The following MCF2L2 variants were observed in gnomAD, a reference collection of about 807,000 sequenced individuals.
MCF2L2 encodes MCF.2 cell line derived transforming sequence-like 2.
MCF2L2 carries 102 observed loss-of-function variants against 150.2 expected under a neutral mutation model. The observed-to-expected ratio is 0.68, with a 90% confidence interval of 0.58 to 0.80. The LOEUF (loss-of-function observed/expected upper bound fraction) is 0.80. Ranked by LOEUF, MCF2L2 falls within the 30% of genes least tolerant of loss-of-function variation. The probability of loss-of-function intolerance (pLI) is 0.00; values close to 1 mark genes in which losing one functional copy is unlikely to be tolerated. For missense variants in MCF2L2, 1,256 were observed against 1,372.8 expected, an observed-to-expected ratio of 0.91 and a Z score of 1.34; for synonymous variants, 465 against 491.3, an observed-to-expected ratio of 0.95 and a Z score of 0.71.
At chr3:183,216,171 G>A in intron 21 of MCF2L2, 77 bp from the exon 22 acceptor site, 1 of 1,520,256 alleles carries the variant, frequency 6.6e-7, no homozygotes, top group Non-Finnish European at 9.0e-7. Context: ...GGACAGAGAT[G>A]AGGAGCCAGG....
At position 183,331,186 on chromosome 3, in the gene MCF2L2, C is replaced by T. The variant is rs146067930; in HGVS notation, c.486+7614G>A. On this transcript the variant is annotated intron_variant, in intron 5 of 29. Transcript: ENST00000328913. ...AGAGACAATCCTTATACCCCAAAGA[C>T]TGCAGGAGTTATTCAAACTAGTCCA... Among the ~76,000 whole-genome samples the T allele has an allele frequency of 5.2e-3, 787 of 152,314 alleles. 3 individuals are homozygous for T. The highest frequency in any genetic ancestry group is 0.018 in the African/African-American group (755 of 41,566).
chr3:183,205,777 A>G (rs1722448395), intron 25 of MCF2L2, 99 bp downstream of exon 25: 9 of 890,022 alleles, frequency 1.0e-5, no homozygotes, highest in African/African-American at 1.7e-5. Context: ...TTGTTTTCCC[A>G]GCAAACCATT....
intron 2 of MCF2L2, among the ~76,000 whole-genome samples, chr3:183,386,925 T>TA (rs1336738719): frequency 6.6e-6 from 1 of 152,164 alleles, no homozygotes; most frequent in African/African-American, 2.4e-5. Flanking sequence ...AGGCTGTAAT[T>TA]ACTATCACAG....
At chr3:183,266,484 C>T (rs1726132541) in intron 15 of MCF2L2, among the ~76,000 whole-genome samples, 2 of 152,212 alleles carry the variant, frequency 1.3e-5, no homozygotes, top group African/African-American at 4.8e-5. Flanking sequence ...AATTCTGTTA[C>T]CTTGCTTTAA....
Position 183,179,359 on chromosome 3 carries a change from G to A in MCF2L2, c.*21C>T. 7.0e-7 allele frequency: 1 copy of A among 1,430,984 alleles called. No individual in the cohort carries two copies. Among genetic ancestry groups the A allele is most frequent in the Non-Finnish European group, 9.1e-7 (1 of 1,093,800 alleles). The allele number at this position is 1,430,984 out of a possible 1,614,324, so 88.6% of individuals were successfully genotyped here. A position where few individuals can be genotyped will look rare whatever the true frequency, so the allele number is the denominator to read the frequency against. ...AATGCGGGCGCTCTGGAGCCGAGGAGCGGGGGCGTCCGCAGGGAGGTCAGC... is the reference window on the plus strand; with the variant it reads ...AATGCGGGCGCTCTGGAGCCGAGGAACGGGGGCGTCCGCAGGGAGGTCAGC... On this transcript the variant is annotated 3_prime_UTR_variant, in exon 30 of 30. Transcript: ENST00000328913. This position sits in a 1 kb window ranked among gnomAD's most constrained non-coding sequence, Gnocchi z 4.2.
intron 15 of MCF2L2, among the ~76,000 whole-genome samples, chr3:183,249,178 G>C (rs1163751697): frequency 6.6e-6 from 1 of 152,258 alleles, no homozygotes; most frequent in Non-Finnish European, 1.5e-5. Flanking sequence ...CTGAGTAGGA[G>C]AGAAAGAGCT....
At chr3:183,314,187 G>C (rs6443864) in intron 7 of MCF2L2, among the ~76,000 whole-genome samples, 5,917 of 152,266 alleles carry the variant, frequency 0.039, 388 homozygotes, top group African/African-American at 0.13. Context: ...TTTGATTGGA[G>C]AGAAAATAGC....
In MCF2L2 at chr3:183,269,811, G is replaced by C. The variant is rs201783658; in HGVS notation, c.1862+7061C>G. On this transcript the variant is annotated intron_variant, in intron 15 of 29. Coordinates refer to ENST00000328913, the MANE Select transcript of MCF2L2 (RefSeq NM_015078.4). ...GACTTGAGTGGATATGAGAATGTTGGTTAGTGGCAGAAGAGTCAAAAAATG... is the reference window on the plus strand; with the variant it reads ...GACTTGAGTGGATATGAGAATGTTGCTTAGTGGCAGAAGAGTCAAAAAATG... 4.5e-5 allele frequency: 73 copies of C among 1,605,794 alleles called. No homozygotes were observed. The highest frequency in any genetic ancestry group is 2.0e-4 in the Admixed American group (12 of 59,266).
intron 10 of MCF2L2, among the ~76,000 whole-genome samples, chr3:183,302,693 A>T (rs1238993798): frequency 6.6e-6 from 1 of 151,736 alleles, no homozygotes; most frequent in Admixed American, 6.6e-5. Flanking sequence ...CTAGCTCCTG[A>T]CTCGACCCTT....
intron 18 of MCF2L2, chr3:183,224,446 C>T: frequency 2.8e-6 from 1 of 354,930 alleles, no homozygotes; most frequent in East Asian, 4.5e-5. Context: ...TTGGTAAATA[C>T]ATAAGTAGAC....
intron 6 of MCF2L2, among the ~76,000 whole-genome samples, chr3:183,321,437 C>CAAAAA (rs754945400): frequency 0.021 from 1,814 of 87,058 alleles, 48 homozygotes; most frequent in African/African-American, 0.06. Context: ...GACTCTGTCT[C>CAAAAA]AAAAAAAAAA....
At position 183,179,461 on chromosome 3, in the gene MCF2L2, C is replaced by A; in HGVS notation, c.3264G>T (p.Thr1088=). 2 of 1,597,178 alleles carry A rather than the reference C, an allele frequency of 1.3e-6. No individual in the cohort carries two copies. Among genetic ancestry groups the A allele is most frequent in the Non-Finnish European group, 1.7e-6 (2 of 1,171,170 alleles). Residue 1088 remains threonine, a synonymous_variant, in exon 30 of 30, where the codon ACG becomes ACT. Coordinates refer to ENST00000328913, the MANE Select transcript of MCF2L2 (RefSeq NM_015078.4). This position sits in a 1 kb window ranked among gnomAD's most constrained non-coding sequence, Gnocchi z 4.2. ...TCGCCCCCGCAGGAGCCAGCCGGCC[C>A]GTGGACGCCCCAGCGCGCTCCTCCT... is the stretch of plus-strand genomic sequence containing the variant. ...STEEERAGAS[T]GRLAPAGATA...
At chr3:183,396,313 G>A (rs944400236) in intron 1 of MCF2L2, among the ~76,000 whole-genome samples, 1 of 152,168 alleles carries the variant, frequency 6.6e-6, no homozygotes, top group Non-Finnish European at 1.5e-5. Context: ...GATTTGAACT[G>A]TGGAAGTGCT....
chr3:183,338,461 A>G (rs1730574774), intron 5 of MCF2L2, among the ~76,000 whole-genome samples: 2 of 148,936 alleles, frequency 1.3e-5, no homozygotes, highest in Admixed American at 6.6e-5. Context: ...AAAAAAAAAA[A>G]AAAAGAAAAA....
At position 183,298,435 on chromosome 3, in the gene MCF2L2, CTTAT is replaced by C. The variant is rs1409392074; in HGVS notation, c.1306-1272_1306-1269del. On this transcript the variant is annotated intron_variant, in intron 11 of 29. Coordinates refer to ENST00000328913, the MANE Select transcript of MCF2L2 (RefSeq NM_015078.4). ...AATGATAGGCAACTTAAGTTTTTGT[CTTAT>C]TTTTTTCCTAGATTATTTACAGTGA... 3 of 152,188 alleles carry C rather than the reference CTTAT, an allele frequency of 2.0e-5. No individual in the cohort carries two copies. In the South Asian group the frequency reaches 6.2e-4, roughly 32 times the overall value. 9.4% of individuals were successfully genotyped at this position (152,188 alleles called of 1,614,324 possible).
At chr3:183,199,355 C>G (rs1722179155) in intron 25 of MCF2L2, among the ~76,000 whole-genome samples, 1 of 152,202 alleles carries the variant, frequency 6.6e-6, no homozygotes, top group African/African-American at 2.4e-5. Flanking sequence ...TTTCTTCACC[C>G]TAGTAACATT....
chr3:183,184,492 A>G (rs975211256), intron 27 of MCF2L2, among the ~76,000 whole-genome samples: 3 of 152,212 alleles, frequency 2.0e-5, no homozygotes, highest in Non-Finnish European at 4.4e-5. Context: ...CAAGAATGGG[A>G]AAGGTGGGCG....
chr3:183,316,299 AT>A (rs11330224), intron 7 of MCF2L2, among the ~76,000 whole-genome samples: 84,873 of 149,588 alleles, frequency 0.57, 24,850 homozygotes, highest in East Asian at 0.85. Flanking sequence ...TTCAGTCCAG[AT>A]TTTTTTTTTT....
intron 21 of MCF2L2, among the ~76,000 whole-genome samples, chr3:183,216,550 TATTA>T (rs1259350639): frequency 7.8e-5 from 6 of 76,736 alleles, no homozygotes; most frequent in African/African-American, 2.8e-4. Flanking sequence ...TAAGTATATA[TATTA>T]TATATATATA....
Sources: gnomAD v4.1 joint callset for allele counts (sites outside exome capture counted in the v4.1 genomes callset) on GRCh38, gnomAD v4.1.1 for gene constraint, Gnocchi (gnomAD v3.1) non-coding constraint, MANE v1.5 for transcripts, NCBI Gene and HGNC (gene_info 2026-07-23, HGNC 2026-07-21) for gene names.